The following CA10 variants were observed in gnomAD, a reference collection of about 807,000 sequenced individuals.
CA10 encodes carbonic anhydrase-related protein 10.
Under a neutral mutation model 44.2 loss-of-function variants are expected in CA10, and 14 were observed. That is an observed-to-expected ratio of 0.32 (90% confidence interval 0.21 to 0.50). CA10 has a LOEUF of 0.50. CA10 is among the 20% of genes least tolerant of loss of function. CA10 has a pLI of 0.99. For synonymous variants in CA10, 159 were observed against 141.6 expected (o/e 1.12, Z -0.87); for missense variants, 350 against 409.7 (o/e 0.85, Z 1.26).
chr17:52,156,462 G>A (rs1351103303), intron 1 of CA10, among the ~76,000 whole-genome samples: 1 of 152,198 alleles, frequency 6.6e-6, no homozygotes, highest in African/African-American at 2.4e-5. Context: ...GCCCCACACA[G>A]AATGATTTCG....
At chr17:52,093,930 GGGGCCT>G (rs1988335428) in intron 1 of CA10, among the ~76,000 whole-genome samples, 1 of 27,910 alleles carries the variant, frequency 3.6e-5, no homozygotes, top group Non-Finnish European at 7.4e-5. Context: ...TTGGAAAGCT[GGGGCCT>G]GAAAGCAAGA....
intron 1 of CA10, among the ~76,000 whole-genome samples, chr17:52,129,923 T>C (rs1358148758): frequency 6.6e-6 from 1 of 152,098 alleles, no homozygotes; most frequent in Admixed American, 6.6e-5. Flanking sequence ...TGATAAGGGG[T>C]TAATATCCAA....
At chr17:51,735,917 C>T (rs1252489877) in intron 4 of CA10, among the ~76,000 whole-genome samples, 2 of 151,758 alleles carry the variant, frequency 1.3e-5, no homozygotes, top group Non-Finnish European at 2.9e-5. Flanking sequence ...CAGTGATTGC[C>T]GGGGCTAGGG....
At chr17:51,637,475 C>T (rs746856145) in intron 6 of CA10, among the ~76,000 whole-genome samples, 2 of 152,226 alleles carry the variant, frequency 1.3e-5, no homozygotes, top group African/African-American at 2.4e-5. Flanking sequence ...ATGGCAGGGT[C>T]CCAAAGCCTG....
intron 2 of CA10, among the ~76,000 whole-genome samples, chr17:51,966,984 C>T (rs1394546591): frequency 1.3e-5 from 2 of 151,714 alleles, no homozygotes; most frequent in African/African-American, 4.8e-5. Context: ...TATCTAGAAT[C>T]TCTAAGAAAC....
At chr17:52,094,393 G>C (rs560289770) in intron 1 of CA10, among the ~76,000 whole-genome samples, 1 of 152,062 alleles carries the variant, frequency 6.6e-6, no homozygotes, top group South Asian at 2.1e-4. Context: ...ACATAGGAAT[G>C]TATCGTCAGG....
chr17:52,019,151 C>A (rs1986060004), intron 2 of CA10, among the ~76,000 whole-genome samples: 1 of 152,024 alleles, frequency 6.6e-6, no homozygotes, highest in South Asian at 2.1e-4. Flanking sequence ...TTATAAATTA[C>A]AAAATTCCAG....
intron 4 of CA10, among the ~76,000 whole-genome samples, chr17:51,727,876 T>G (rs930245676): frequency 2.1e-4 from 32 of 152,328 alleles, no homozygotes; most frequent in African/African-American, 7.5e-4. Context: ...CAGAACTTTT[T>G]TTTTTTAAAG....
At chr17:51,713,701 G>T (rs967591922) in intron 4 of CA10, among the ~76,000 whole-genome samples, 2 of 152,268 alleles carry the variant, frequency 1.3e-5, no homozygotes, top group Admixed American at 1.3e-4. Context: ...GAATAACTGT[G>T]CCTACTGCAT....
chr17:51,871,887 A>C (rs1424466529), intron 3 of CA10, among the ~76,000 whole-genome samples: 2 of 152,172 alleles, frequency 1.3e-5, no homozygotes, highest in East Asian at 3.9e-4. Flanking sequence ...TCAAAGACTC[A>C]TGTGTAGGCA....
intron 2 of CA10, among the ~76,000 whole-genome samples, chr17:51,968,976 C>A (rs1299062798): frequency 6.6e-6 from 1 of 151,826 alleles, no homozygotes; most frequent in African/African-American, 2.4e-5. Context: ...TTCTAAGCTG[C>A]CTTCGTCTAA....
In CA10 at chr17:51,709,869, G is replaced by T. The variant is rs80047734; in HGVS notation, c.465+37764C>A. On this transcript the variant is annotated intron_variant, in intron 4 of 8. Coordinates refer to ENST00000451037, the MANE Select transcript of CA10 (RefSeq NM_020178.5). ...ACACAGAAAACAAGAGCTCCTTGCT[G>T]CGTGCAGTGGCATTGTCTTGTGAGG... is the stretch of plus-strand genomic sequence containing the variant. 9.9e-3 allele frequency among the ~76,000 whole-genome samples: 1,507 copies of T among 152,278 alleles called. 18 individuals are homozygous for T. Among genetic ancestry groups the T allele is most frequent in the African/African-American group, 0.034 (1,431 of 41,550 alleles).
intron 1 of CA10, chr17:52,134,894 C>G: frequency 1.9e-6 from 1 of 518,990 alleles, no homozygotes; most frequent in Admixed American, 1.9e-5. Context: ...TCCCTCACCC[C>G]CACCATACAC....
intron 6 of CA10, among the ~76,000 whole-genome samples, chr17:51,642,441 T>C (rs1913126332): frequency 6.6e-6 from 1 of 152,116 alleles, no homozygotes. Context: ...TGCCTACACA[T>C]GCATCTTTTA....
rs1916547148 is a variant in CA10, at chr17:51,726,999, T to G, written c.465+20634A>C. ...TGTTTGTTGTAGGCAGCTGGATAGATGGACATCATGGGTGTGTGATGCATG... is the reference window on the plus strand; with the variant it reads ...TGTTTGTTGTAGGCAGCTGGATAGAGGGACATCATGGGTGTGTGATGCATG... On this transcript the variant is annotated intron_variant, in intron 4 of 8. Coordinates refer to ENST00000451037, the MANE Select transcript of CA10 (RefSeq NM_020178.5). 2.0e-5 allele frequency among the ~76,000 whole-genome samples: 3 copies of G among 152,230 alleles called. No individual in the cohort carries two copies. The South Asian group carries it at 6.2e-4, about 32-fold the overall frequency.
intron 1 of CA10, among the ~76,000 whole-genome samples, chr17:52,079,971 T>C (rs886643350): frequency 2.0e-5 from 3 of 152,166 alleles, no homozygotes; most frequent in African/African-American, 7.2e-5. Context: ...AGAATTGAAC[T>C]GGTTAATGGG....
At chr17:52,080,188 C>G (rs570932303) in intron 1 of CA10, among the ~76,000 whole-genome samples, 1 of 152,306 alleles carries the variant, frequency 6.6e-6, no homozygotes, top group South Asian at 2.1e-4. Context: ...CGCAGTGGCT[C>G]ACGCCACTAA....
At chr17:51,896,485 T>C (rs1197001854) in intron 3 of CA10, among the ~76,000 whole-genome samples, 1 of 152,150 alleles carries the variant, frequency 6.6e-6, no homozygotes, top group Non-Finnish European at 1.5e-5. Context: ...CAGTCTAATG[T>C]TGATGGACAT....
intron 1 of CA10, among the ~76,000 whole-genome samples, chr17:52,074,251 A>G (rs1987760376): frequency 6.6e-6 from 1 of 152,176 alleles, no homozygotes; most frequent in East Asian, 1.9e-4. Flanking sequence ...AACAACAAGA[A>G]AACCAAACCC....
Sources: gnomAD v4.1 joint callset for allele counts (sites outside exome capture counted in the v4.1 genomes callset) on GRCh38, gnomAD v4.1.1 for gene constraint, MANE v1.5 for transcripts, NCBI Gene and HGNC (gene_info 2026-07-23, HGNC 2026-07-21) for gene names.